SEMA6B: variants seen among roughly 807,000 people sequenced by gnomAD.
SEMA6B encodes semaphorin 6B.
In SEMA6B, 47 loss-of-function variants were observed where a neutral mutation model predicts 78.6. That is an observed-to-expected ratio of 0.60 (90% CI 0.47 to 0.76). SEMA6B has a LOEUF of 0.76. SEMA6B is among the 30% of genes least tolerant of loss of function. The pLI is 0.00. For missense variants in SEMA6B, 1,213 were observed against 1,269.9 expected, an observed-to-expected ratio of 0.96 and a Z score of 0.68; for synonymous variants, 632 against 592.2, an observed-to-expected ratio of 1.07 and a Z score of -0.98.
At chr19:4,551,529 C>G (rs1212969999) in intron 10 of SEMA6B, among the ~76,000 whole-genome samples, 4 of 150,258 alleles carry the variant, frequency 2.7e-5, no homozygotes, top group African/African-American at 9.8e-5. Context: ...CACAAGCAGG[C>G]TTTTTAAAAA....
Position 4,552,692 on chromosome 19 carries a change from C to T in SEMA6B, c.772-53G>A. The T allele has an allele frequency of 1.3e-6, 2 of 1,520,972 alleles. No individual in the cohort carries two copies. The highest frequency in any genetic ancestry group is 1.8e-6 in the Non-Finnish European group (2 of 1,120,066). 94.2% of individuals were successfully genotyped at this position (1,520,972 alleles called of 1,614,324 possible). On this transcript the variant is annotated intron_variant, in intron 9 of 16. Transcript: ENST00000586582. This position sits in a 1 kb window ranked among gnomAD's most constrained non-coding sequence, Gnocchi z 7.4. Reference sequence around the variant, plus strand: ...CCTGAGCTCTGTGTCCCAGGAAGGCCTGTTCACAGGCTGTGCCACTCACCA... The same window carrying T: ...CCTGAGCTCTGTGTCCCAGGAAGGCTTGTTCACAGGCTGTGCCACTCACCA...
At chr19:4,556,877 G>C in intron 5 of SEMA6B, 74 bp downstream of exon 5, 1 of 1,402,430 alleles carries the variant, frequency 7.1e-7, no homozygotes, top group Admixed American at 1.9e-5. Context: ...GCGTGGCCTG[G>C]TCTGATTGGG....
At chr19:4,556,504 G>C (rs1460420748) in intron 5 of SEMA6B, among the ~76,000 whole-genome samples, 1 of 148,928 alleles carries the variant, frequency 6.7e-6, no homozygotes, top group African/African-American at 2.5e-5. Flanking sequence ...GCGTGGCCTG[G>C]GCTTATTGGG....
chr19:4,547,690 A>G lies in SEMA6B; in HGVS notation c.1601+337T>C, dbSNP rs759602233. Among the ~76,000 whole-genome samples the G allele has an allele frequency of 5.9e-5, 9 of 152,022 alleles. No homozygotes were observed. In the South Asian group the frequency reaches 1.0e-3, roughly 18 times the overall value. On this transcript the variant is annotated intron_variant, in intron 14 of 16. Coordinates refer to ENST00000586582, the MANE Select transcript of SEMA6B (RefSeq NM_032108.4). The stretch of plus-strand genomic sequence containing the variant: ...AGGGCCAGTCCCTCCTCTGCCTGCA[A>G]CCCTACATGGCTCCCATCTCCTTCA...
At chr19:4,556,311 T>A (rs922397642) in intron 5 of SEMA6B, among the ~76,000 whole-genome samples, 1 of 152,126 alleles carries the variant, frequency 6.6e-6, no homozygotes. Context: ...ATTGTCAGAC[T>A]GTGGGCATAA....
Position 4,555,161 on chromosome 19 carries a change from C to A in SEMA6B, c.563-66G>T. On this transcript the variant is annotated intron_variant, in intron 7 of 16. Coordinates refer to ENST00000586582, the MANE Select transcript of SEMA6B (RefSeq NM_032108.4). The surrounding 1 kb of genome is among the most constrained non-coding windows in gnomAD (Gnocchi z 6.1). ...CGCAGAGGCCAGGGGCTGGGTGGGT[C>A]GAAACTCGATTTTCTGAGACTGAGT... is the stretch of plus-strand genomic sequence containing the variant. 6.4e-7 allele frequency: 1 copy of A among 1,562,676 alleles called. No individual in the cohort carries two copies. The highest frequency in any genetic ancestry group is 1.1e-5 in the South Asian group (1 of 88,270).
chr19:4,555,704 G>T lies in SEMA6B; in HGVS notation c.472-140C>A. The T allele has an allele frequency of 1.4e-6, 1 of 733,732 alleles. No individual in the cohort carries two copies. Among genetic ancestry groups the T allele is most frequent in the Admixed American group, 2.5e-5 (1 of 39,458 alleles). The allele number at this position is 733,732 out of a possible 1,614,324, so 45.5% of individuals were successfully genotyped here. On this transcript the variant is annotated intron_variant, in intron 6 of 16. Coordinates refer to ENST00000586582, the MANE Select transcript of SEMA6B (RefSeq NM_032108.4). This position sits in a 1 kb window ranked among gnomAD's most constrained non-coding sequence, Gnocchi z 6.1. Reference sequence around the variant, plus strand: ...CCTTGGCCACTCACTTAACCTCTCAGGGCCTCAGTTTACTGATCTGTAAAT... The same window carrying T: ...CCTTGGCCACTCACTTAACCTCTCATGGCCTCAGTTTACTGATCTGTAAAT...
Position 4,550,660 on chromosome 19 carries a change from G to C in SEMA6B, c.1121+139C>G. 9.3e-7 allele frequency: 1 copy of C among 1,069,670 alleles called. No individual in the cohort carries two copies. Among genetic ancestry groups the C allele is most frequent in the Non-Finnish European group, 1.3e-6 (1 of 745,074 alleles). 66.3% of individuals were successfully genotyped at this position (1,069,670 alleles called of 1,614,324 possible). On this transcript the variant is annotated intron_variant, in intron 11 of 16. Transcript: ENST00000586582. The surrounding 1 kb of genome is among the most constrained non-coding windows in gnomAD (Gnocchi z 6.6). ...ATTACAGGCGTGAGCCACCACACCA[G>C]GCCTCAGTTTTTCCCAACTGTATAA...
chr19:4,558,102 T>C lies in SEMA6B; in HGVS notation c.169A>G (p.Thr57Ala). Reference protein sequence around the residue: ...VFVGSGPGRLTPAEGADDLNI... With the variant: ...VFVGSGPGRLAPAEGADDLNI... ...AGGTCGTCAGCACCTTCTGCGGGGGTCAGGCGTCCGGGCCCGCTGCCCACA... is the reference window on the plus strand; with the variant it reads ...AGGTCGTCAGCACCTTCTGCGGGGGCCAGGCGTCCGGGCCCGCTGCCCACA... Residue 57 changes from threonine (T) to alanine (A), a missense_variant, in exon 3 of 17, where the codon ACC (threonine) becomes GCC (alanine). Transcript: ENST00000586582. This position sits in a 1 kb window ranked among gnomAD's most constrained non-coding sequence, Gnocchi z 5.1. 1 of 1,534,588 alleles carries C rather than the reference T, an allele frequency of 6.5e-7. No individual in the cohort carries two copies.
In SEMA6B at chr19:4,558,671, A is replaced by G. The variant is rs1977541659; in HGVS notation, c.-32-182T>C. Among the ~76,000 whole-genome samples, 1 of 152,226 alleles carries G rather than the reference A, an allele frequency of 6.6e-6. No homozygotes were observed. ...CAGCACTGATTTAATTATCAGAACA[A>G]CTTTATGGCCACGTGTGCGTGAAAG... is the stretch of plus-strand genomic sequence containing the variant. On this transcript the variant is annotated intron_variant, in intron 1 of 16. Transcript: ENST00000586582. The surrounding 1 kb of genome is among the most constrained non-coding windows in gnomAD (Gnocchi z 5.1).
In SEMA6B at chr19:4,546,457, G is replaced by A; in HGVS notation, c.1614C>T (p.Gly538=). The change falls in exon 15 of 17, where the codon GGC becomes GGT. Residue 538 remains glycine, a synonymous_variant. Coordinates refer to ENST00000586582, the MANE Select transcript of SEMA6B (RefSeq NM_032108.4). ...CCCACCCGCAGTAGGGGTCCTGACT[G>A]CCGATACAGTTCCTAGAGCAGACCA... ...QYSGCMKNCI[G]SQDPYCGWAP... is the part of the protein sequence containing the mutation. 6.4e-7 allele frequency: 1 copy of A among 1,566,552 alleles called. No homozygotes were observed. The highest frequency in any genetic ancestry group is 8.7e-7 in the Non-Finnish European group (1 of 1,154,920).
In SEMA6B at chr19:4,550,785, GA is replaced by G; in HGVS notation, c.1121+13del. The G allele has an allele frequency of 1.2e-6, 2 of 1,613,060 alleles. No homozygotes were observed. Among genetic ancestry groups the G allele is most frequent in the Non-Finnish European group, 1.7e-6 (2 of 1,179,872 alleles). The stretch of plus-strand genomic sequence containing the variant: ...TCATCCGGGCATGTGACTCAGGATG[GA>G]GGGGGTTCTCACCGGGGTCGAGGCA... On this transcript the variant is annotated intron_variant, in intron 11 of 16. Coordinates refer to ENST00000586582, the MANE Select transcript of SEMA6B (RefSeq NM_032108.4). This position sits in a 1 kb window ranked among gnomAD's most constrained non-coding sequence, Gnocchi z 6.6.
Position 4,555,145 on chromosome 19 carries a change from C to A in SEMA6B, c.563-50G>T. ...AGGCAAGAGATGAGACCGCAGAGGCCAGGGGCTGGGTGGGTCGAAACTCGA... is the reference window on the plus strand; with the variant it reads ...AGGCAAGAGATGAGACCGCAGAGGCAAGGGGCTGGGTGGGTCGAAACTCGA... On this transcript the variant is annotated intron_variant, in intron 7 of 16. Transcript: ENST00000586582. This position sits in a 1 kb window ranked among gnomAD's most constrained non-coding sequence, Gnocchi z 6.1. The A allele has an allele frequency of 6.2e-7, 1 of 1,605,678 alleles. No individual in the cohort carries two copies. Among genetic ancestry groups the A allele is most frequent in the South Asian group, 1.1e-5 (1 of 90,620 alleles).
intron 1 of SEMA6B, among the ~76,000 whole-genome samples, chr19:4,559,263 C>T (rs1400574311): frequency 2.0e-5 from 3 of 152,020 alleles, no homozygotes; most frequent in Non-Finnish European, 4.4e-5. Flanking sequence ...AGAATATTCC[C>T]CATGCCAAGG....
rs777717974 is a variant in SEMA6B at position 4,550,321 on chromosome 19, A to AGG, written c.1122-51_1122-50dup. On this transcript the variant is annotated intron_variant, in intron 11 of 16. Coordinates refer to ENST00000586582, the MANE Select transcript of SEMA6B (RefSeq NM_032108.4). This position sits in a 1 kb window ranked among gnomAD's most constrained non-coding sequence, Gnocchi z 6.6. ...AGGACGAACGTAAAGGTTCTCATAA[A>AGG]GGGGCCTGATTCACCAGAGGTACCC... 1 of 1,602,194 alleles carries AGG rather than the reference A, an allele frequency of 6.2e-7. No individual in the cohort carries two copies. Among genetic ancestry groups the AGG allele is most frequent in the South Asian group, 1.1e-5 (1 of 90,838 alleles).
In SEMA6B at chr19:4,555,198, G is replaced by C; in HGVS notation, c.563-103C>G. 7.9e-7 allele frequency: 1 copy of C among 1,265,628 alleles called. No individual in the cohort carries two copies. The highest frequency in any genetic ancestry group is 1.3e-5 in the South Asian group (1 of 74,100). 78.4% of individuals were successfully genotyped at this position (1,265,628 alleles called of 1,614,324 possible). On this transcript the variant is annotated intron_variant, in intron 7 of 16. Coordinates refer to ENST00000586582, the MANE Select transcript of SEMA6B (RefSeq NM_032108.4). This position sits in a 1 kb window ranked among gnomAD's most constrained non-coding sequence, Gnocchi z 6.1. ...TTCTGAGACTGAGTCCTGAGCCTAG[G>C]GGAGCCCCTGTCTCCAGGCTGAGCC...
rs1977546461 is a variant in SEMA6B at position 4,558,891 on chromosome 19, G to A, written c.-32-402C>T. On this transcript the variant is annotated intron_variant, in intron 1 of 16. Coordinates refer to ENST00000586582, the MANE Select transcript of SEMA6B (RefSeq NM_032108.4). The surrounding 1 kb of genome is among the most constrained non-coding windows in gnomAD (Gnocchi z 5.1). ...AAAAAAAAAGAGTCAAAGGCTCTTGGAATTTTATAAGCCACAAGCTGGCTG... is the reference window on the plus strand; with the variant it reads ...AAAAAAAAAGAGTCAAAGGCTCTTGAAATTTTATAAGCCACAAGCTGGCTG... Among the ~76,000 whole-genome samples, 1 of 151,696 alleles carries A rather than the reference G, an allele frequency of 6.6e-6. No homozygotes were observed. The highest frequency in any genetic ancestry group is 2.4e-5 in the African/African-American group (1 of 41,356).
At position 4,555,403 on chromosome 19, in the gene SEMA6B, C is replaced by G. The variant is rs750724472; in HGVS notation, c.562+71G>C. 1 of 1,364,216 alleles carries G rather than the reference C, an allele frequency of 7.3e-7. No individual in the cohort carries two copies. Among genetic ancestry groups the G allele is most frequent in the Admixed American group, 2.1e-5 (1 of 46,810 alleles). The allele number at this position is 1,364,216 out of a possible 1,614,324, so 84.5% of individuals were successfully genotyped here. On this transcript the variant is annotated intron_variant, in intron 7 of 16. Transcript: ENST00000586582. This position sits in a 1 kb window ranked among gnomAD's most constrained non-coding sequence, Gnocchi z 6.1. The stretch of plus-strand genomic sequence containing the variant: ...CCAGCTGCCTTCTAAACAACCCAGA[C>G]GCTGGAGTAGAAAATGCCAGGTCTT...
At position 4,550,983 on chromosome 19, in the gene SEMA6B, G is replaced by A. The variant is rs377429565; in HGVS notation, c.990-53C>T. 87 of 1,602,816 alleles carry A rather than the reference G, an allele frequency of 5.4e-5. 1 individual carries two copies. Among genetic ancestry groups the A allele is most frequent in the African/African-American group, 1.9e-4 (14 of 74,666 alleles). ...TGAGCCCGGTGGGAGGCCCCATCTC[G>A]GACAAGTGCGTGCAGGAGCCTCTGT... On this transcript the variant is annotated intron_variant, in intron 10 of 16. Transcript: ENST00000586582. The surrounding 1 kb of genome is among the most constrained non-coding windows in gnomAD (Gnocchi z 6.6).
Sources: gnomAD v4.1 joint callset for allele counts (sites outside exome capture counted in the v4.1 genomes callset) on GRCh38, gnomAD v4.1.1 for gene constraint, Gnocchi (gnomAD v3.1) non-coding constraint, MANE v1.5 for transcripts, NCBI Gene and HGNC (gene_info 2026-07-23, HGNC 2026-07-21) for gene names.